The following HPSE2 variants were observed in gnomAD, a reference collection of about 807,000 sequenced individuals.
HPSE2 encodes the protein heparanase 2 (inactive).
Under a neutral mutation model 60.5 loss-of-function variants are expected in HPSE2, and 38 were observed. That is an observed-to-expected ratio of 0.63 (90% CI 0.48 to 0.82). HPSE2 has a LOEUF of 0.82. Among genes scored for constraint, HPSE2 ranks in the 40% least tolerant of loss-of-function variants. The pLI is 0.00. For synonymous variants in HPSE2, 295 were observed against 293.2 expected, an observed-to-expected ratio of 1.01 and a Z score of -0.06; for missense variants, 713 against 740.4, an observed-to-expected ratio of 0.96 and a Z score of 0.43.
the HPSE2 span, among the ~76,000 whole-genome samples, chr10:99,270,290 A>G: frequency 6.6e-6 from 1 of 152,200 alleles, no homozygotes; most frequent in African/African-American, 2.4e-5. Flanking sequence ...ATGAAATGGG[A>G]GATACCACAG....
intron 9 of HPSE2, among the ~76,000 whole-genome samples, chr10:98,594,778 T>C (rs1029887503): frequency 6.6e-6 from 1 of 152,186 alleles, no homozygotes; most frequent in Non-Finnish European, 1.5e-5. Flanking sequence ...AGGGCAGATA[T>C]CTCTTCAATG....
intron 11 of HPSE2, among the ~76,000 whole-genome samples, chr10:98,468,492 C>T (rs1378586563): frequency 6.6e-6 from 1 of 152,102 alleles, no homozygotes; most frequent in Admixed American, 6.5e-5. Flanking sequence ...TCCCTCCAGG[C>T]CCTGTCAGAG....
At chr10:98,771,421 G>A (rs1485632746) in intron 3 of HPSE2, among the ~76,000 whole-genome samples, 2 of 152,014 alleles carry the variant, frequency 1.3e-5, no homozygotes, top group African/African-American at 2.4e-5. Context: ...CTAATAAGAG[G>A]TAGCACCTGC....
rs545454674 is a variant in HPSE2 at position 98,867,344 on chromosome 10, A to G, written c.611-123288T>C. On this transcript the variant is annotated intron_variant, in intron 3 of 11. Transcript: ENST00000370552. ...AATTAAAAATGGGCAAAAGATTTGA[A>G]TAGACATTTCTGAAAAGAAGTCATA... is the stretch of plus-strand genomic sequence containing the variant. Among the ~76,000 whole-genome samples, 177 of 152,338 alleles carry G rather than the reference A, an allele frequency of 1.2e-3. 2 individuals carry two copies. The highest frequency in any genetic ancestry group is 4.1e-3 in the African/African-American group (170 of 41,582).
chr10:99,248,809 C>T, the HPSE2 span, among the ~76,000 whole-genome samples: 10 of 152,318 alleles, frequency 6.6e-5, no homozygotes, highest in East Asian at 1.9e-4. Context: ...AACCTCAGGA[C>T]GCTGCTCCCT....
the HPSE2 span, among the ~76,000 whole-genome samples, chr10:99,298,438 C>T: frequency 1.3e-5 from 2 of 152,230 alleles, no homozygotes; most frequent in Non-Finnish European, 2.9e-5. Context: ...CAGCAAGCAA[C>T]CCAAAAGCCT....
chr10:98,595,311 A>C (rs983283210), intron 9 of HPSE2, among the ~76,000 whole-genome samples: 1 of 151,820 alleles, frequency 6.6e-6, no homozygotes, highest in Non-Finnish European at 1.5e-5. Flanking sequence ...CTGGGACTAC[A>C]GATGCCCACC....
intron 9 of HPSE2, among the ~76,000 whole-genome samples, chr10:98,529,253 A>G (rs1213795293): frequency 2.0e-5 from 3 of 152,144 alleles, no homozygotes; most frequent in African/African-American, 7.2e-5. Context: ...TAATGTTTTT[A>G]TTTTTGTTGT....
At chr10:99,041,042 G>A (rs931791603) in intron 3 of HPSE2, among the ~76,000 whole-genome samples, 6 of 150,996 alleles carry the variant, frequency 4.0e-5, no homozygotes, top group African/African-American at 1.5e-4. Flanking sequence ...AGTAGAGATC[G>A]CGCCACTTCA....
chr10:98,459,402 T>C lies in HPSE2; in HGVS notation c.*172A>G. On this transcript the variant is annotated 3_prime_UTR_variant, in exon 12 of 12. Transcript: ENST00000370552. ...TGGGATGGATGTGGCCTACCTAGGC[T>C]AAGATCACGCTATGACATTTAGTCT... The C allele has an allele frequency of 1.3e-6, 1 of 769,118 alleles. No individual in the cohort carries two copies. Among genetic ancestry groups the C allele is most frequent in the East Asian group, 2.6e-5 (1 of 38,588 alleles). 47.6% of individuals were successfully genotyped at this position (769,118 alleles called of 1,614,324 possible).
chr10:99,253,476 G>GA, the HPSE2 span, among the ~76,000 whole-genome samples: 1 of 152,038 alleles, frequency 6.6e-6, no homozygotes, highest in Admixed American at 6.6e-5. Flanking sequence ...TTCACCATAT[G>GA]AAAAAATTAA....
the HPSE2 span, among the ~76,000 whole-genome samples, chr10:99,258,546 A>G: frequency 6.6e-6 from 1 of 152,324 alleles, no homozygotes; most frequent in African/African-American, 2.4e-5. Flanking sequence ...TAAAATGCAG[A>G]TGAAAATACA....
chr10:98,740,689 T>C (rs1949475584), intron 4 of HPSE2, among the ~76,000 whole-genome samples: 1 of 152,196 alleles, frequency 6.6e-6, no homozygotes, highest in South Asian at 2.1e-4. Context: ...AGATTTGCTC[T>C]AGAGATAAAA....
chr10:99,120,639 A>C (rs1161150622), intron 3 of HPSE2, among the ~76,000 whole-genome samples: 2 of 152,122 alleles, frequency 1.3e-5, no homozygotes, highest in South Asian at 4.1e-4. Context: ...ACGCCCAGCT[A>C]ATTTTTGTAT....
At chr10:98,633,257 G>A (rs1946412692) in intron 7 of HPSE2, among the ~76,000 whole-genome samples, 1 of 151,992 alleles carries the variant, frequency 6.6e-6, no homozygotes, top group South Asian at 2.1e-4. Context: ...GGAGTGCAGT[G>A]GCAGGATCCC....
intron 3 of HPSE2, among the ~76,000 whole-genome samples, chr10:99,040,955 C>T (rs558812732): frequency 8.6e-5 from 13 of 151,892 alleles, no homozygotes; most frequent in South Asian, 4.2e-4. Context: ...GGTGTGGTGG[C>T]GGGTGCCTAT....
chr10:98,722,528 G>C (rs2050554), intron 4 of HPSE2, among the ~76,000 whole-genome samples: 150,961 of 152,246 alleles, frequency 0.99, 74,854 homozygotes, highest in East Asian at 1. Flanking sequence ...TATGGCAAGC[G>C]TAGAAAACTA....
chr10:98,634,391 TG>T (rs1258661276), intron 7 of HPSE2, among the ~76,000 whole-genome samples: 1 of 152,224 alleles, frequency 6.6e-6, no homozygotes, highest in East Asian at 1.9e-4. Flanking sequence ...GTGATACTAC[TG>T]TTCTTACCCT....
the HPSE2 span, among the ~76,000 whole-genome samples, chr10:99,283,228 C>T: frequency 2.2e-5 from 3 of 138,878 alleles, no homozygotes; most frequent in Non-Finnish European, 4.7e-5. Flanking sequence ...AGAAGGATTT[C>T]AAATCAATAA....
Sources: gnomAD v4.1 joint callset for allele counts (sites outside exome capture counted in the v4.1 genomes callset) on GRCh38, gnomAD v4.1.1 for gene constraint, MANE v1.5 for transcripts, NCBI Gene and HGNC (gene_info 2026-07-23, HGNC 2026-07-21) for gene names.